The following LRP8 variants were observed in gnomAD, a reference collection of about 807,000 sequenced individuals.
LRP8 encodes low-density lipoprotein receptor-related protein 8.
In LRP8, 46 loss-of-function variants were observed where a neutral mutation model predicts 111.6. The ratio of observed to expected loss-of-function variants is 0.41; its 90% confidence interval spans 0.33 to 0.53. The LOEUF (loss-of-function observed/expected upper bound fraction) is 0.53. Among genes scored for constraint, LRP8 ranks in the 20% least tolerant of loss-of-function variants. The probability of loss-of-function intolerance (pLI) is 0.20; values close to 1 mark genes in which losing one functional copy is unlikely to be tolerated. For missense variants in LRP8, 959 were observed against 1,297.4 expected (o/e 0.74, Z 4.01); for synonymous variants, 464 against 511.2 (o/e 0.91, Z 1.24).
At chr1:53,311,305 G>C (rs1652949043) in intron 2 of LRP8, among the ~76,000 whole-genome samples, 1 of 152,082 alleles carries the variant, frequency 6.6e-6, no homozygotes, top group Non-Finnish European at 1.5e-5. Context: ...GCCTGGACAG[G>C]GGCATGGGCA....
rs569619484 is a variant in LRP8 at position 53,315,231 on chromosome 1, G to A, written c.244+11642C>T. Among the ~76,000 whole-genome samples, 7 of 152,242 alleles carry A rather than the reference G, an allele frequency of 4.6e-5. No homozygotes were observed. The East Asian group carries it at 1.4e-3, about 29-fold the overall frequency. On this transcript the variant is annotated intron_variant, in intron 2 of 18. Coordinates refer to ENST00000306052, the MANE Select transcript of LRP8 (RefSeq NM_004631.5). ...GCAAGTGACAGCCTGGAGCGGCAGG[G>A]GAGAAAGGGAGATAAAGGAGTCTTT... is the stretch of plus-strand genomic sequence containing the variant.
At chr1:53,291,349 G>A (rs531705690) in intron 2 of LRP8, among the ~76,000 whole-genome samples, 42 of 152,118 alleles carry the variant, frequency 2.8e-4, no homozygotes, top group South Asian at 1.7e-3. Context: ...TAACATCAGG[G>A]GCCACTAGGA....
At chr1:53,299,113 T>C (rs1650315638) in intron 2 of LRP8, among the ~76,000 whole-genome samples, 1 of 151,808 alleles carries the variant, frequency 6.6e-6, no homozygotes. Flanking sequence ...GAGCGAATGA[T>C]TGAGTGATGA....
chr1:53,258,139 G>A, intron 14 of LRP8, 180 bp downstream of exon 14: 1 of 474,828 alleles, frequency 2.1e-6, no homozygotes, highest in South Asian at 4.7e-5. Flanking sequence ...AGCTTTGGAA[G>A]GATCCTGGGG....
Position 53,279,937 on chromosome 1 carries a change from G to T in LRP8, c.496+650C>A, listed in dbSNP as rs1647050184. ...CTGGCCATGCTCCCCAATGGCCCAG[G>T]CCCTGCTGGCCTGCTCCCTGGGAAG... On this transcript the variant is annotated intron_variant, in intron 4 of 18. Coordinates refer to ENST00000306052, the MANE Select transcript of LRP8 (RefSeq NM_004631.5). This position sits in a 1 kb window ranked among gnomAD's most constrained non-coding sequence, Gnocchi z 4.4. Among the ~76,000 whole-genome samples, 1 of 152,238 alleles carries T rather than the reference G, an allele frequency of 6.6e-6. No individual in the cohort carries two copies. Among genetic ancestry groups the T allele is most frequent in the Non-Finnish European group, 1.5e-5 (1 of 68,042 alleles).
rs1158522773 is a variant in LRP8, at chr1:53,247,039, A to T, written c.2871T>A (p.Leu957=). 1 of 1,603,724 alleles carries T rather than the reference A, an allele frequency of 6.2e-7. No individual in the cohort carries two copies. The highest frequency in any genetic ancestry group is 8.5e-7 in the Non-Finnish European group (1 of 1,176,364). The change falls in exon 19 of 19, where the codon CTT becomes CTA. Residue 957 remains leucine (L), a synonymous_variant. Transcript: ENST00000306052. The part of the protein sequence containing the change: ...VVKSKRVALS[L]EDDGLP ...ATCCTCAGGGTAGTCCATCATCTTC[A>T]AGGCTTAATGCCACTCGCTGGGGAG...
chr1:53,278,413 G>A (rs1646996600), intron 4 of LRP8, among the ~76,000 whole-genome samples: 1 of 152,252 alleles, frequency 6.6e-6, no homozygotes, highest in African/African-American at 2.4e-5. Context: ...ATCTTTCCAC[G>A]TGGGGGCGCC....
chr1:53,324,034 T>G (rs2100553450), intron 2 of LRP8, among the ~76,000 whole-genome samples: 1 of 152,302 alleles, frequency 6.6e-6, no homozygotes, highest in African/African-American at 2.4e-5. Context: ...TATCTACAAA[T>G]TCCAACCCCC....
At chr1:53,287,968 A>G (rs1647867791) in intron 3 of LRP8, 1 of 140,568 alleles carries the variant, frequency 7.1e-6, no homozygotes, top group African/African-American at 2.6e-5. Context: ...CATCCACACA[A>G]AGAGATAGAG....
At position 53,293,186 on chromosome 1, in the gene LRP8, T is replaced by G. The variant is rs1649102409; in HGVS notation, c.245-3497A>C. The stretch of plus-strand genomic sequence containing the variant: ...GGATTCTGAAAGCCTGGGGGTGATC[T>G]TGTCCTCCTCCATGTGCCAAGCCCT... On this transcript the variant is annotated intron_variant, in intron 2 of 18. Transcript: ENST00000306052. The surrounding 1 kb of genome is among the most constrained non-coding windows in gnomAD (Gnocchi z 4.9). 6.6e-6 allele frequency among the ~76,000 whole-genome samples: 1 copy of G among 152,256 alleles called. No homozygotes were observed. Among genetic ancestry groups the G allele is most frequent in the Non-Finnish European group, 1.5e-5 (1 of 68,052 alleles).
At chr1:53,299,748 G>T (rs781305990) in intron 2 of LRP8, among the ~76,000 whole-genome samples, 1 of 152,268 alleles carries the variant, frequency 6.6e-6, no homozygotes, top group African/African-American at 2.4e-5. Flanking sequence ...TGAGAATGGA[G>T]TTAGCAATGG....
In LRP8 at chr1:53,277,009, T is replaced by C. The variant is rs1244982287; in HGVS notation, c.566A>G (p.Asp189Gly). The part of the protein sequence containing the change: ...CLAAVFVCDG[D>G]DDCGDGSDER... ...ATCGCTGCCGTCACCACAGTCGTCG[T>C]CGCCGTCGCACACGAACACGGCGGC... Residue 189 changes from aspartate to glycine, a missense_variant, in exon 5 of 19, where the codon GAC (aspartate) becomes GGC (glycine). Transcript: ENST00000306052. 2 of 1,518,426 alleles carry C rather than the reference T, an allele frequency of 1.3e-6. No individual in the cohort carries two copies. Among genetic ancestry groups the C allele is most frequent in the Non-Finnish European group, 1.8e-6 (2 of 1,137,198 alleles). The allele number at this position is 1,518,426 out of a possible 1,614,324, so 94.1% of individuals were successfully genotyped here. A position where few individuals can be genotyped will look rare whatever the true frequency, so the allele number is the denominator to read the frequency against.
intron 2 of LRP8, among the ~76,000 whole-genome samples, chr1:53,326,443 G>T (rs58534087): frequency 0.066 from 10,008 of 152,326 alleles, 1,060 homozygotes; most frequent in African/African-American, 0.22. Flanking sequence ...CAAAAACTGA[G>T]CAGGAAAAGG....
intron 16 of LRP8, among the ~76,000 whole-genome samples, chr1:53,253,071 A>T (rs1046337617): frequency 6.6e-6 from 1 of 152,176 alleles, no homozygotes; most frequent in Non-Finnish European, 1.5e-5. Context: ...TATAGAGAAA[A>T]AAACAGTTAA....
At position 53,244,396 on chromosome 1, in the gene LRP8, C is replaced by T. The variant is rs766231660; in HGVS notation, c.*2622G>A. On this transcript the variant is annotated 3_prime_UTR_variant, in exon 19 of 19. Transcript: ENST00000306052. ...GTGATCTGTGATTGGCTGTAGATAG[C>T]TATGCACGGGGGCAAAAGGCAAAAG... 3 of 152,208 alleles carry T rather than the reference C, an allele frequency of 2.0e-5. No homozygotes were observed. Among genetic ancestry groups the T allele is most frequent in the Non-Finnish European group, 4.4e-5 (3 of 68,048 alleles). 9.4% of individuals were successfully genotyped at this position (152,208 alleles called of 1,614,324 possible). A position where few individuals can be genotyped will look rare whatever the true frequency, so the allele number is the denominator to read the frequency against.
rs1651419526 is a variant in LRP8, at chr1:53,303,752, C to T, written c.245-14063G>A. On this transcript the variant is annotated intron_variant, in intron 2 of 18. Coordinates refer to ENST00000306052, the MANE Select transcript of LRP8 (RefSeq NM_004631.5). The surrounding 1 kb of genome is among the most constrained non-coding windows in gnomAD (Gnocchi z 4.3). ...AGTGGCAAAGGCCTGCCCCTTTCCC[C>T]CAACCCCCACCAGTGCTGGAATCCT... 6.6e-6 allele frequency among the ~76,000 whole-genome samples: 1 copy of T among 152,234 alleles called. No individual in the cohort carries two copies. Among genetic ancestry groups the T allele is most frequent in the Non-Finnish European group, 1.5e-5 (1 of 68,044 alleles).
At chr1:53,299,793 C>T (rs1293857215) in intron 2 of LRP8, among the ~76,000 whole-genome samples, 1 of 152,270 alleles carries the variant, frequency 6.6e-6, no homozygotes, top group African/African-American at 2.4e-5. Flanking sequence ...GGGCCTGGCT[C>T]TGCTCTGTGG....
In LRP8 at chr1:53,266,837, C is replaced by T. The variant is rs917244834; in HGVS notation, c.1253-190G>A. 2.1e-5 allele frequency: 12 copies of T among 579,252 alleles called. No individual in the cohort carries two copies. The highest frequency in any genetic ancestry group is 3.7e-5 in the African/African-American group (2 of 53,638). The allele number at this position is 579,252 out of a possible 1,614,324, so 35.9% of individuals were successfully genotyped here. A position where few individuals can be genotyped will look rare whatever the true frequency, so the allele number is the denominator to read the frequency against. The stretch of plus-strand genomic sequence containing the variant: ...AGAAAGCAGAAGATGCAGAGCACCA[C>T]GCATAGCAGGAAGATTCTTATTCTT... On this transcript the variant is annotated intron_variant, in intron 8 of 18. Transcript: ENST00000306052. The surrounding 1 kb of genome is among the most constrained non-coding windows in gnomAD (Gnocchi z 5.0).
At chr1:53,283,434 A>G (rs1049354961) in intron 3 of LRP8, among the ~76,000 whole-genome samples, 5 of 143,496 alleles carry the variant, frequency 3.5e-5, no homozygotes, top group Non-Finnish European at 7.5e-5. Context: ...CTTACTTACT[A>G]CATACCCGGG....
Sources: gnomAD v4.1 joint callset for allele counts (sites outside exome capture counted in the v4.1 genomes callset) on GRCh38, gnomAD v4.1.1 for gene constraint, Gnocchi (gnomAD v3.1) non-coding constraint, MANE v1.5 for transcripts, NCBI Gene and HGNC (gene_info 2026-07-23, HGNC 2026-07-21) for gene names.